CHORDC1: variants seen among roughly 807,000 people sequenced by gnomAD.
CHORDC1 encodes cysteine and histidine-rich domain-containing protein 1.
CHORDC1 carries 25 observed loss-of-function variants against 48.3 expected under a neutral mutation model. The observed-to-expected ratio is 0.52, with a 90% CI of 0.38 to 0.72. The LOEUF is 0.72. CHORDC1 is among the 30% of genes least tolerant of loss of function. The probability of loss-of-function intolerance (pLI) is 0.00; values close to 1 mark genes in which losing one functional copy is unlikely to be tolerated. For synonymous variants in CHORDC1, 128 were observed against 126.4 expected (o/e 1.01, Z -0.09); for missense variants, 317 against 388.7 (o/e 0.82, Z 1.55).
chr11:90,209,705 T>C (rs1340527461), intron 6 of CHORDC1, among the ~76,000 whole-genome samples: 1 of 152,170 alleles, frequency 6.6e-6, no homozygotes, highest in Non-Finnish European at 1.5e-5. Context: ...ACTGGTATGT[T>C]TGACCGCATC....
chr11:90,218,347 A>G (rs1436832541), intron 1 of CHORDC1, among the ~76,000 whole-genome samples, 163 bp from the exon 2 acceptor site: 5 of 152,198 alleles, frequency 3.3e-5, no homozygotes, highest in Non-Finnish European at 7.3e-5. Context: ...AAAGTGTACT[A>G]TATTAAAATA....
intron 6 of CHORDC1, chr11:90,208,747 T>C (rs1463188194): frequency 1.3e-5 from 2 of 152,216 alleles, no homozygotes; most frequent in African/African-American, 4.8e-5. Context: ...TGCTGGTGTG[T>C]TTAATTTTGT....
At chr11:90,219,642 A>AT (rs1435719868) in intron 1 of CHORDC1, among the ~76,000 whole-genome samples, 3 of 152,238 alleles carry the variant, frequency 2.0e-5, no homozygotes, top group Non-Finnish European at 4.4e-5. Flanking sequence ...CATGCTGCAG[A>AT]TAACTAGCCA....
chr11:90,206,242 C>A lies in CHORDC1; in HGVS notation c.523G>T (p.Val175Phe), dbSNP rs767570435. 2 of 1,576,168 alleles carry A rather than the reference C, an allele frequency of 1.3e-6. No homozygotes were observed. The highest frequency in any genetic ancestry group is 1.3e-5 in the African/African-American group (1 of 74,352). Residue 175 changes from valine to phenylalanine, a missense_variant, in exon 7 of 11, where the codon GTC becomes TTC. Val to Phe is a conservative substitution (Grantham distance 50). Coordinates refer to ENST00000320585, the MANE Select transcript of CHORDC1 (RefSeq NM_012124.3). ...GGTACTCCAGAATGATATACACAGA[C>A]TTCTTCTAGACTCTCTAGACCCTGG... ...TYQGLESLEE[V>F]CVYHSGVPIF...
At chr11:90,202,780 GA>G (rs754298270) in intron 10 of CHORDC1, 32 bp downstream of exon 10, 102 of 1,558,538 alleles carry the variant, frequency 6.5e-5, no homozygotes, top group Admixed American at 8.1e-5. Context: ...TAAGTTATCA[GA>G]AAAAAAATTC....
intron 8 of CHORDC1, among the ~76,000 whole-genome samples, chr11:90,203,689 ACAC>A (rs2135026082): frequency 6.8e-6 from 1 of 147,716 alleles, no homozygotes; most frequent in Admixed American, 6.8e-5. Flanking sequence ...TAATATTGAT[ACAC>A]AGCTAAAAAG....
intron 2 of CHORDC1, among the ~76,000 whole-genome samples, chr11:90,216,219 T>C (rs935147207): frequency 7.9e-5 from 12 of 152,276 alleles, no homozygotes; most frequent in Admixed American, 3.3e-4. Flanking sequence ...CTTAATCATG[T>C]ACTAAATTAT....
chr11:90,213,617 C>A (rs1156888251), intron 4 of CHORDC1: 4 of 449,808 alleles, frequency 8.9e-6, no homozygotes, highest in Non-Finnish European at 1.6e-5. Flanking sequence ...AGTTTTCAGG[C>A]ATCTGAAAGT....
intron 4 of CHORDC1, chr11:90,213,448 A>C: frequency 1.4e-6 from 1 of 694,404 alleles, no homozygotes; most frequent in South Asian, 1.5e-5. Context: ...CTCAATATAC[A>C]TGTGTGGGAA....
chr11:90,208,466 T>C (rs1230722318), intron 6 of CHORDC1: 1 of 152,096 alleles, frequency 6.6e-6, no homozygotes, highest in Non-Finnish European at 1.5e-5. Flanking sequence ...TTAAAAACAA[T>C]TTTTTAAAAT....
At chr11:90,202,702 G>A in intron 10 of CHORDC1, 111 bp downstream of exon 10, 1 of 1,397,280 alleles carries the variant, frequency 7.2e-7, no homozygotes, top group Non-Finnish European at 9.7e-7. Context: ...AGGATACACT[G>A]TTAAGTTATA....
At chr11:90,209,643 T>C (rs1013415384) in intron 6 of CHORDC1, among the ~76,000 whole-genome samples, 2 of 152,110 alleles carry the variant, frequency 1.3e-5, no homozygotes, top group African/African-American at 4.8e-5. Flanking sequence ...AGAAGAAATG[T>C]TGGAGGATAT....
At position 90,210,545 on chromosome 11, in the gene CHORDC1, C is replaced by G. The variant is rs1565169733; in HGVS notation, c.483G>C (p.Gly161=). The G allele has an allele frequency of 6.3e-7, 1 of 1,589,510 alleles. No individual in the cohort carries two copies. Among genetic ancestry groups the G allele is most frequent in the Non-Finnish European group, 8.6e-7 (1 of 1,159,950 alleles). Residue 161 remains glycine, a synonymous_variant, in exon 6 of 11, where the codon GGG becomes GGC. Transcript: ENST00000320585. ...ATCTTGTGATATATACCTTTGAACA[C>G]CCTCCATTCTTACATGAGGTCCCAA... is the stretch of plus-strand genomic sequence containing the variant. The part of the protein sequence containing the change: ...IKIGTSCKNG[G]CSKTYQGLES...
intron 1 of CHORDC1, among the ~76,000 whole-genome samples, chr11:90,220,887 T>A (rs1008983669): frequency 1.3e-5 from 2 of 152,142 alleles, no homozygotes; most frequent in Non-Finnish European, 2.9e-5. Context: ...TTAAAAAAAA[T>A]ACCGTTTGTG....
At chr11:90,207,540 G>A (rs908283902) in intron 6 of CHORDC1, 1 of 151,974 alleles carries the variant, frequency 6.6e-6, no homozygotes, top group Non-Finnish European at 1.5e-5. Flanking sequence ...CATTAAGACA[G>A]TGAAAAAGCA....
rs550382341 is a variant in CHORDC1 at position 90,220,333 on chromosome 11, T to G, written c.65-2149A>C. Among the ~76,000 whole-genome samples, 11 of 152,302 alleles carry G rather than the reference T, an allele frequency of 7.2e-5. No individual in the cohort carries two copies. The South Asian group carries it at 2.3e-3, about 32-fold the overall frequency. On this transcript the variant is annotated intron_variant, in intron 1 of 10. Coordinates refer to ENST00000320585, the MANE Select transcript of CHORDC1 (RefSeq NM_012124.3). ...TAGAAAGTGTTAGGTATCTTCCTGA[T>G]ACAGTAAGTAAATCCGTGGGATCAG...
intron 2 of CHORDC1, chr11:90,217,894 TCAA>T (rs745448716): frequency 9.9e-5 from 15 of 151,362 alleles, no homozygotes; most frequent in Admixed American, 2.6e-4. Context: ...AAACTCCATC[TCAA>T]AAAAAAAAAA....
chr11:90,207,783 A>C (rs1349382052), intron 6 of CHORDC1: 29 of 150,216 alleles, frequency 1.9e-4, no homozygotes, highest in African/African-American at 6.3e-4. Flanking sequence ...AAAAAACAAA[A>C]AAAACTCGTA....
intron 1 of CHORDC1, among the ~76,000 whole-genome samples, chr11:90,221,999 A>C (rs2135062207): frequency 6.6e-6 from 1 of 152,358 alleles, no homozygotes; most frequent in African/African-American, 2.4e-5. Flanking sequence ...ATTAAATAAG[A>C]TAAAGCAATA....
Sources: allele counts gnomAD v4.1 joint callset (sites outside exome capture counted in the v4.1 genomes callset), GRCh38; gene constraint gnomAD v4.1.1; transcripts MANE v1.5; gene names NCBI Gene and HGNC (gene_info 2026-07-23, HGNC 2026-07-21).